GRIP1: variants seen among roughly 807,000 people sequenced by gnomAD.
The protein encoded by GRIP1 is glutamate receptor interacting protein 1.
A neutral mutation model predicts 129.9 loss-of-function variants in GRIP1; 45 were observed. That is an observed-to-expected ratio of 0.35 (90% CI 0.27 to 0.44). GRIP1 has a LOEUF of 0.44. Among genes scored for constraint, GRIP1 ranks in the 20% least tolerant of loss-of-function variants. The pLI is 1.00. For missense variants in GRIP1, 1,196 were observed against 1,396.8 expected (o/e 0.86, Z 2.29); for synonymous variants, 530 against 520.8 (o/e 1.02, Z -0.24).
chr12:66,715,471 T>TGTGAGAGAGAGAGAGA (rs761155485), intron 1 of GRIP1, among the ~76,000 whole-genome samples: 1 of 110,138 alleles, frequency 9.1e-6, no homozygotes, highest in African/African-American at 3.4e-5. Flanking sequence ...TGTGTGTGTG[T>TGTGAGAGAGAGAGAGA]GAGAGAGAGA....
chr12:66,509,939 C>A (rs2060647596), intron 7 of GRIP1, among the ~76,000 whole-genome samples: 1 of 151,798 alleles, frequency 6.6e-6, no homozygotes, highest in Non-Finnish European at 1.5e-5. Flanking sequence ...GCACATGTAC[C>A]CCTGAACTTA....
At chr12:66,694,462 T>C (rs2035084832) in intron 1 of GRIP1, among the ~76,000 whole-genome samples, 1 of 152,198 alleles carries the variant, frequency 6.6e-6, no homozygotes, top group Non-Finnish European at 1.5e-5. Flanking sequence ...GTTTGAATCA[T>C]GATTCTGATA....
chr12:66,533,031 TAAAAC>T (rs2061502005), intron 4 of GRIP1, among the ~76,000 whole-genome samples: 1 of 152,136 alleles, frequency 6.6e-6, no homozygotes, highest in Non-Finnish European at 1.5e-5. Flanking sequence ...TAAAGACAGA[TAAAAC>T]AAACAATATG....
At chr12:67,039,695 TGAG>T (rs2043147695) in intron 1 of GRIP1, among the ~76,000 whole-genome samples, 1 of 152,200 alleles carries the variant, frequency 6.6e-6, no homozygotes, top group Non-Finnish European at 1.5e-5. Flanking sequence ...TGAAACATTA[TGAG>T]GAGACTTCTT....
intron 1 of GRIP1, among the ~76,000 whole-genome samples, chr12:66,749,951 T>C (rs992642733): frequency 6.6e-6 from 1 of 152,190 alleles, no homozygotes; most frequent in African/African-American, 2.4e-5. Context: ...CATCTCATAG[T>C]CTTCTCATTT....
intron 1 of GRIP1, among the ~76,000 whole-genome samples, chr12:66,762,588 T>C (rs1328978222): frequency 6.6e-6 from 1 of 152,242 alleles, no homozygotes; most frequent in African/African-American, 2.4e-5. Flanking sequence ...AACATCTGCT[T>C]AAATCCTTCG....
At chr12:66,588,985 A>T (rs1383991821) in intron 2 of GRIP1, among the ~76,000 whole-genome samples, 1 of 86,858 alleles carries the variant, frequency 1.2e-5, no homozygotes, top group Non-Finnish European at 2.6e-5. Flanking sequence ...ACAAAAAAAA[A>T]AATTAAATAA....
Position 66,450,282 on chromosome 12 carries a change from T to C in GRIP1, c.1355-4774A>G, listed in dbSNP as rs927977368. ...TCTCGCCACTGCACTCCAGCCTGGG[T>C]GACAGAGTGAGACTCCATCTCAAAA... On this transcript the variant is annotated intron_variant, in intron 11 of 24. Transcript: ENST00000359742. Among the ~76,000 whole-genome samples the C allele has an allele frequency of 3.8e-3, 413 of 108,084 alleles. 3 individuals are homozygous for C. Among genetic ancestry groups the C allele is most frequent in the African/African-American group, 0.015 (392 of 26,986 alleles). The allele number at this position is 108,084 out of a possible 152,430, so 70.9% of individuals were successfully genotyped here.
chr12:66,476,562 G>A (rs1435685011), intron 7 of GRIP1, among the ~76,000 whole-genome samples: 1 of 152,130 alleles, frequency 6.6e-6, no homozygotes, highest in Non-Finnish European at 1.5e-5. Context: ...AAGCCTGACA[G>A]AGACACAACA....
At chr12:66,602,428 T>G (rs1289593398) in intron 1 of GRIP1, among the ~76,000 whole-genome samples, 1 of 152,162 alleles carries the variant, frequency 6.6e-6, no homozygotes, top group African/African-American at 2.4e-5. Context: ...TGTTCATAAT[T>G]CCTGATCCAA....
chr12:66,900,633 G>T (rs1242644956), intron 1 of GRIP1, among the ~76,000 whole-genome samples: 1 of 152,182 alleles, frequency 6.6e-6, no homozygotes, highest in Non-Finnish European at 1.5e-5. Context: ...GCCTAAGGTG[G>T]CTATAGTGCT....
chr12:66,432,410 G>T, intron 14 of GRIP1, 138 bp downstream of exon 14: 1 of 619,936 alleles, frequency 1.6e-6, no homozygotes, highest in Non-Finnish European at 2.9e-6. Context: ...CTGGAGGTGT[G>T]ACTGACTCCA....
intron 1 of GRIP1, among the ~76,000 whole-genome samples, chr12:66,721,070 G>A (rs2036042774): frequency 6.6e-6 from 1 of 152,114 alleles, no homozygotes; most frequent in Admixed American, 6.6e-5. Flanking sequence ...CCTGATCCAT[G>A]GGCTACAGAA....
At chr12:66,931,310 T>A (rs2041391645) in intron 1 of GRIP1, among the ~76,000 whole-genome samples, 1 of 152,176 alleles carries the variant, frequency 6.6e-6, no homozygotes, top group African/African-American at 2.4e-5. Flanking sequence ...CAACCATCAA[T>A]GCCAATGATC....
At chr12:66,735,904 C>T (rs905107434) in intron 1 of GRIP1, among the ~76,000 whole-genome samples, 1 of 152,094 alleles carries the variant, frequency 6.6e-6, no homozygotes. Flanking sequence ...TCCCTCCACT[C>T]CCCCATGACT....
At chr12:67,059,918 T>C (rs1048660047) in intron 1 of GRIP1, among the ~76,000 whole-genome samples, 4 of 152,316 alleles carry the variant, frequency 2.6e-5, no homozygotes, top group Middle Eastern at 3.4e-3. Flanking sequence ...CAATTTCACA[T>C]TGCCACATCC....
In GRIP1 at chr12:66,377,199, T is replaced by A. The variant is rs777696035; in HGVS notation, c.2708A>T (p.Gln903Leu). ...CTCCAGTTCTCTCAGAATTCCTGACTGTCCGCAGGTTTCCAAATCCTCCAG... is the reference window on the plus strand; with the variant it reads ...CTCCAGTTCTCTCAGAATTCCTGACAGTCCGCAGGTTTCCAAATCCTCCAG... ...QALEDLETCG[Q>L]SGILRELEEK... The change falls in exon 21 of 25, where the codon CAG (glutamine) becomes CTG (leucine). Residue 903 changes from glutamine (Q) to leucine (L), a missense_variant. By Grantham distance (113) the Gln-to-Leu change is moderately radical. Coordinates refer to ENST00000359742, the MANE Select transcript of GRIP1 (RefSeq NM_001366722.1). 6.2e-7 allele frequency: 1 copy of A among 1,612,322 alleles called. No homozygotes were observed. Among genetic ancestry groups the A allele is most frequent in the African/African-American group, 1.3e-5 (1 of 75,016 alleles).
chr12:66,819,221 A>G (rs1023658351), intron 1 of GRIP1, among the ~76,000 whole-genome samples: 8 of 152,200 alleles, frequency 5.3e-5, no homozygotes, highest in African/African-American at 1.9e-4. Flanking sequence ...TTGATTTTAA[A>G]GCTAGAATAA....
At chr12:66,833,276 T>C (rs11176441) in intron 1 of GRIP1, among the ~76,000 whole-genome samples, 24,582 of 152,200 alleles carry the variant, frequency 0.16, 2,133 homozygotes, top group East Asian at 0.37. Context: ...ATATCCAGCT[T>C]CCACCACTCT....
Sources: gnomAD v4.1 joint callset for allele counts (sites outside exome capture counted in the v4.1 genomes callset) on GRCh38, gnomAD v4.1.1 for gene constraint, MANE v1.5 for transcripts, NCBI Gene and HGNC (gene_info 2026-07-23, HGNC 2026-07-21) for gene names.